RBM33: variants seen among roughly 807,000 people sequenced by gnomAD.
The protein encoded by RBM33 is RNA binding motif protein 33.
A neutral mutation model predicts 132.6 loss-of-function variants in RBM33; 28 were observed. The observed-to-expected ratio is 0.21, with a 90% CI of 0.16 to 0.29. The LOEUF (loss-of-function observed/expected upper bound fraction) is 0.29. Among genes scored for constraint, RBM33 ranks in the 10% least tolerant of loss-of-function variants. The probability of loss-of-function intolerance (pLI) is 1.00; values close to 1 mark genes in which losing one functional copy is unlikely to be tolerated. For missense variants in RBM33, 1,291 were observed against 1,518.5 expected (o/e 0.85, Z 2.49); for synonymous variants, 634 against 593.0 (o/e 1.07, Z -1.01).
intron 11 of RBM33, 164 bp downstream of exon 11, chr7:155,738,567 A>C: frequency 1.4e-6 from 1 of 691,072 alleles, no homozygotes; most frequent in South Asian, 2.1e-5. Flanking sequence ...TTTTTCAACA[A>C]TGTTACTTAT....
chr7:155,766,695 T>C, intron 16 of RBM33, 40 bp downstream of exon 16: 3 of 1,568,668 alleles, frequency 1.9e-6, no homozygotes, highest in Non-Finnish European at 2.6e-6. Flanking sequence ...CGGGTAGTTG[T>C]GTCCCAAGAC....
intron 5 of RBM33, among the ~76,000 whole-genome samples, chr7:155,698,623 C>T (rs1799869686): frequency 6.6e-6 from 1 of 152,154 alleles, no homozygotes; most frequent in South Asian, 2.1e-4. Context: ...AGATTTGGAC[C>T]AGAAGTTTGC....
chr7:155,746,237 G>A (rs2117038651), intron 14 of RBM33, among the ~76,000 whole-genome samples: 1 of 152,296 alleles, frequency 6.6e-6, no homozygotes, highest in Middle Eastern at 3.4e-3. Context: ...CATTTGTGGT[G>A]TATAGCTTTA....
Position 155,748,711 on chromosome 7 carries a change from A to T in RBM33, c.2979+3109A>T, listed in dbSNP as rs573386958. ...CCTGTGGTTAATTATATCGCCTTTC[A>T]GGTGATTTTCCTTGGTCCTTGTCAT... On this transcript the variant is annotated intron_variant, in intron 14 of 17. Coordinates refer to ENST00000401878, the MANE Select transcript of RBM33 (RefSeq NM_053043.3). Among the ~76,000 whole-genome samples the T allele has an allele frequency of 2.0e-5, 3 of 151,370 alleles. No individual in the cohort carries two copies. In the East Asian group the frequency reaches 5.9e-4, roughly 30 times the overall value.
intron 9 of RBM33, among the ~76,000 whole-genome samples, chr7:155,733,252 G>A (rs1801010285): frequency 6.6e-6 from 1 of 152,160 alleles, no homozygotes; most frequent in South Asian, 2.1e-4. Context: ...CCATTTTTAT[G>A]TCTAAGTCAG....
intron 14 of RBM33, among the ~76,000 whole-genome samples, chr7:155,761,825 C>CT (rs763886467): frequency 3.0e-4 from 45 of 152,068 alleles, no homozygotes; most frequent in Non-Finnish European, 5.1e-4. Flanking sequence ...GTTTGATTTC[C>CT]TTTTTTGAGG....
At chr7:155,736,671 C>A (rs1288783711) in intron 9 of RBM33, among the ~76,000 whole-genome samples, 1 of 152,176 alleles carries the variant, frequency 6.6e-6, no homozygotes, top group African/African-American at 2.4e-5. Context: ...AAACATTTCA[C>A]ATTTTTCTGT....
intron 4 of RBM33, 113 bp downstream of exon 4, chr7:155,678,797 CAT>C (rs1410287034): frequency 4.9e-6 from 3 of 607,354 alleles, no homozygotes; most frequent in South Asian, 2.2e-5. Flanking sequence ...ATCTTTAACA[CAT>C]GATTACATTC....
Position 155,774,098 on chromosome 7 carries a change from T to C in RBM33, c.3376-461T>C, listed in dbSNP as rs1802527640. Among the ~76,000 whole-genome samples the C allele has an allele frequency of 1.3e-5, 2 of 152,348 alleles. No individual in the cohort carries two copies. The highest frequency in any genetic ancestry group is 4.8e-5 in the African/African-American group (2 of 41,584). Reference sequence around the variant, plus strand: ...AGCCAGATGCACAGAGATGGTAGACTAGGGGCCATTGCCTACTGTGGGCTG... The same window carrying C: ...AGCCAGATGCACAGAGATGGTAGACCAGGGGCCATTGCCTACTGTGGGCTG... On this transcript the variant is annotated intron_variant, in intron 16 of 17. Coordinates refer to ENST00000401878, the MANE Select transcript of RBM33 (RefSeq NM_053043.3). The surrounding 1 kb of genome is among the most constrained non-coding windows in gnomAD (Gnocchi z 4.2).
chr7:155,772,588 C>T (rs1021984017), intron 16 of RBM33, among the ~76,000 whole-genome samples: 1 of 152,208 alleles, frequency 6.6e-6, no homozygotes, highest in African/African-American at 2.4e-5. Flanking sequence ...TGGGGCTTTA[C>T]TTTTCCTGTT....
At chr7:155,744,903 T>C (rs1801461850) in intron 13 of RBM33, 58 bp from the exon 14 acceptor site, 11 of 1,458,610 alleles carry the variant, frequency 7.5e-6, no homozygotes, top group Non-Finnish European at 1.0e-5. Context: ...TTTGTTGAAA[T>C]AGACTATGGG....
intron 8 of RBM33, among the ~76,000 whole-genome samples, chr7:155,717,132 A>G (rs1318901958): frequency 6.6e-6 from 1 of 152,234 alleles, no homozygotes; most frequent in Non-Finnish European, 1.5e-5. Context: ...TTCTTAAATT[A>G]AAAAATATGC....
chr7:155,661,146 A>ATATATATAT (rs1421586760), intron 1 of RBM33, among the ~76,000 whole-genome samples: 16 of 81,190 alleles, frequency 2.0e-4, no homozygotes, highest in Middle Eastern at 8.6e-3. Flanking sequence ...ATATATATAT[A>ATATATATAT]TTTTTTTTTT....
chr7:155,744,407 C>T (rs140697202), intron 13 of RBM33, among the ~76,000 whole-genome samples: 2 of 152,148 alleles, frequency 1.3e-5, no homozygotes, highest in African/African-American at 4.8e-5. Flanking sequence ...ATACTGCAAT[C>T]GGCAACATTT....
At chr7:155,764,097 T>A in intron 15 of RBM33, 79 bp downstream of exon 15, 1 of 1,154,102 alleles carries the variant, frequency 8.7e-7, no homozygotes, top group East Asian at 2.6e-5. Context: ...CTCTAATTTG[T>A]AGCGCATGGC....
At position 155,651,582 on chromosome 7, in the gene RBM33, CA is replaced by C. The variant is rs34693646; in HGVS notation, c.43+6683del. ...GCAACAGGGAAACTCTTTGTCTCACCAAAAAAAAAAAAAAAAAAAAGGGTCT... is the reference window on the plus strand; with the variant it reads ...GCAACAGGGAAACTCTTTGTCTCACCAAAAAAAAAAAAAAAAAAAGGGTCT... On this transcript the variant is annotated intron_variant, in intron 1 of 17. Coordinates refer to ENST00000401878, the MANE Select transcript of RBM33 (RefSeq NM_053043.3). Among the ~76,000 whole-genome samples the C allele has an allele frequency of 5.9e-3, 559 of 94,568 alleles. 4 individuals are homozygous for C. The highest frequency in any genetic ancestry group is 0.022 in the African/African-American group (498 of 22,532). 62.0% of individuals were successfully genotyped at this position (94,568 alleles called of 152,430 possible). A position where few individuals can be genotyped will look rare whatever the true frequency, so the allele number is the denominator to read the frequency against.
At chr7:155,667,807 T>C (rs1438738665) in intron 2 of RBM33, among the ~76,000 whole-genome samples, 1 of 152,188 alleles carries the variant, frequency 6.6e-6, no homozygotes, top group African/African-American at 2.4e-5. Context: ...TTTAAATAGC[T>C]ATACAGTCTG....
chr7:155,706,549 G>C (rs947219839), intron 6 of RBM33, among the ~76,000 whole-genome samples: 1 of 152,166 alleles, frequency 6.6e-6, no homozygotes, highest in Non-Finnish European at 1.5e-5. Flanking sequence ...CAGTGGCTAC[G>C]TTTCACTTCA....
chr7:155,751,466 T>C (rs1801683779), intron 14 of RBM33, among the ~76,000 whole-genome samples: 1 of 152,254 alleles, frequency 6.6e-6, no homozygotes, highest in Non-Finnish European at 1.5e-5. Context: ...CCTCTGTAGC[T>C]AACCCCCACC....
Sources: gnomAD v4.1 joint callset for allele counts (sites outside exome capture counted in the v4.1 genomes callset) on GRCh38, gnomAD v4.1.1 for gene constraint, Gnocchi (gnomAD v3.1) non-coding constraint, MANE v1.5 for transcripts, NCBI Gene and HGNC (gene_info 2026-07-23, HGNC 2026-07-21) for gene names.